RPTOR: variants seen among roughly 807,000 people sequenced by gnomAD.
RPTOR encodes the protein regulatory-associated protein of mTOR.
In RPTOR, 21 loss-of-function variants were observed where a neutral mutation model predicts 169.9. The ratio of observed to expected loss-of-function variants is 0.12; its 90% CI spans 0.09 to 0.18. RPTOR has a LOEUF of 0.18. RPTOR is among the 10% of genes least tolerant of loss of function. RPTOR has a pLI of 1.00. For synonymous variants in RPTOR, 732 were observed against 753.2 expected (o/e 0.97, Z 0.46); for missense variants, 1,133 against 1,855.9 (o/e 0.61, Z 7.16).
At chr17:80,814,009 C>T (rs2067299198) in intron 7 of RPTOR, among the ~76,000 whole-genome samples, 1 of 152,090 alleles carries the variant, frequency 6.6e-6, no homozygotes, top group South Asian at 2.1e-4. Context: ...GTGGCATGTG[C>T]CTGTGGTCCC....
intron 1 of RPTOR, among the ~76,000 whole-genome samples, chr17:80,594,614 G>A (rs546947587): frequency 6.6e-6 from 1 of 152,356 alleles, no homozygotes; most frequent in East Asian, 1.9e-4. Flanking sequence ...TGTGCTCTGT[G>A]TGTGAAGAAG....
chr17:80,809,948 A>C (rs551662555), intron 7 of RPTOR, among the ~76,000 whole-genome samples: 21 of 152,230 alleles, frequency 1.4e-4, no homozygotes, highest in Middle Eastern at 3.4e-3. Context: ...GAGGCAGGAG[A>C]ATCGCTTGAA....
At chr17:80,692,963 G>T in intron 3 of RPTOR, among the ~76,000 whole-genome samples, 1 of 152,190 alleles carries the variant, frequency 6.6e-6, no homozygotes, top group East Asian at 1.9e-4. Flanking sequence ...TGACACGTAT[G>T]CGTAACCTTG....
chr17:80,863,322 T>C (rs887309031), intron 13 of RPTOR, among the ~76,000 whole-genome samples: 1 of 152,110 alleles, frequency 6.6e-6, no homozygotes, highest in African/African-American at 2.4e-5. Context: ...CATGCCAGGT[T>C]ACACTCCACT....
intron 3 of RPTOR, among the ~76,000 whole-genome samples, chr17:80,696,765 C>A (rs1471790): frequency 0.18 from 26,753 of 152,088 alleles, 3,760 homozygotes; most frequent in African/African-American, 0.39. Flanking sequence ...TCCAGCCAGC[C>A]CCCCCAAGCA....
chr17:80,823,296 C>T lies in RPTOR; in HGVS notation c.1136+73C>T, dbSNP rs1039038320. 1.1e-5 allele frequency: 18 copies of T among 1,565,678 alleles called. No individual in the cohort carries two copies. The highest frequency in any genetic ancestry group is 2.3e-5 in the East Asian group (1 of 44,330). ...GGCACTGTGATGTCATGGAATTGCACGGAGCTGGGCAGGGAGGCCCCACAC... is the reference window on the plus strand; with the variant it reads ...GGCACTGTGATGTCATGGAATTGCATGGAGCTGGGCAGGGAGGCCCCACAC... On this transcript the variant is annotated intron_variant, in intron 9 of 33. Transcript: ENST00000306801. The surrounding 1 kb of genome is among the most constrained non-coding windows in gnomAD (Gnocchi z 4.5).
At chr17:80,756,691 G>GA (rs2066683892) in intron 6 of RPTOR, among the ~76,000 whole-genome samples, 1 of 152,080 alleles carries the variant, frequency 6.6e-6, no homozygotes, top group Non-Finnish European at 1.5e-5. Flanking sequence ...CTGAGAGGTA[G>GA]AAAAAACAGT....
intron 1 of RPTOR, among the ~76,000 whole-genome samples, chr17:80,584,119 G>A (rs1044181871): frequency 5.9e-5 from 9 of 152,188 alleles, no homozygotes; most frequent in Non-Finnish European, 8.8e-5. Flanking sequence ...GAGCCAGGCC[G>A]AGGAGACCCC....
intron 22 of RPTOR, among the ~76,000 whole-genome samples, 173 bp downstream of exon 22, chr17:80,923,000 C>T (rs565796583): frequency 1.3e-5 from 2 of 152,362 alleles, no homozygotes; most frequent in Admixed American, 1.3e-4. Context: ...CACCCCGGTA[C>T]CCGCCTGATC....
chr17:80,788,897 A>G (rs1359468681), intron 6 of RPTOR, among the ~76,000 whole-genome samples: 2 of 152,220 alleles, frequency 1.3e-5, no homozygotes, highest in Non-Finnish European at 2.9e-5. Context: ...ACTCTGATGT[A>G]GGTGAATGAA....
chr17:80,679,471 C>G lies in RPTOR; in HGVS notation c.349-28370C>G, dbSNP rs143609979. 2.6e-3 allele frequency among the ~76,000 whole-genome samples: 394 copies of G among 152,258 alleles called. 3 individuals carry two copies. The highest frequency in any genetic ancestry group is 9.2e-3 in the African/African-American group (384 of 41,554). On this transcript the variant is annotated intron_variant, in intron 3 of 33. Coordinates refer to ENST00000306801, the MANE Select transcript of RPTOR (RefSeq NM_020761.3). The stretch of plus-strand genomic sequence containing the variant: ...TCATGTTACTCTAAGTTTTCGTTTC[C>G]TTTTTACTCGGCTCAGGAATAGTAA...
chr17:80,632,279 G>A (rs150561289), intron 2 of RPTOR, among the ~76,000 whole-genome samples: 44 of 152,326 alleles, frequency 2.9e-4, no homozygotes, highest in Non-Finnish European at 5.1e-4. Context: ...CAATGCTTAT[G>A]TTAGGCTTTT....
chr17:80,835,922 G>A (rs1261722801), intron 9 of RPTOR, among the ~76,000 whole-genome samples: 1 of 152,200 alleles, frequency 6.6e-6, no homozygotes, highest in Non-Finnish European at 1.5e-5. Flanking sequence ...ACTTCCAGTT[G>A]AGAGTTCATG....
At chr17:80,841,793 C>T (rs1233160206) in intron 10 of RPTOR, among the ~76,000 whole-genome samples, 11 of 139,608 alleles carry the variant, frequency 7.9e-5, no homozygotes, top group Middle Eastern at 3.8e-3. Flanking sequence ...TCTCACCGCA[C>T]GGCAGCTCAC....
intron 6 of RPTOR, among the ~76,000 whole-genome samples, chr17:80,766,810 T>C (rs1163074678): frequency 6.7e-6 from 1 of 149,916 alleles, no homozygotes; most frequent in Non-Finnish European, 1.5e-5. Flanking sequence ...CTCAAATGTA[T>C]GGTCTAAGTT....
chr17:80,837,282 C>G (rs963444227), intron 9 of RPTOR, among the ~76,000 whole-genome samples: 51 of 152,148 alleles, frequency 3.4e-4, no homozygotes, highest in Admixed American at 3.3e-3. Flanking sequence ...TGCAGGGTGC[C>G]TGGTGAGACC....
intron 5 of RPTOR, among the ~76,000 whole-genome samples, chr17:80,753,154 TC>T (rs2066645564): frequency 6.6e-6 from 1 of 152,140 alleles, no homozygotes; most frequent in African/African-American, 2.4e-5. Context: ...ATCCCCCTAA[TC>T]CCCCACTCGG....
chr17:80,945,484 C>T (rs957154028), intron 25 of RPTOR, 183 bp from the exon 26 acceptor site: 9 of 440,884 alleles, frequency 2.0e-5, no homozygotes, highest in African/African-American at 1.0e-4. Flanking sequence ...CCCAGCTACT[C>T]AGGAGGCTGA....
intron 3 of RPTOR, among the ~76,000 whole-genome samples, chr17:80,682,437 G>T (rs1158563854): frequency 6.6e-6 from 1 of 152,154 alleles, no homozygotes; most frequent in Admixed American, 6.5e-5. Flanking sequence ...GCTTATCTTG[G>T]ATTATTTGAG....
Sources: allele counts gnomAD v4.1 joint callset (sites outside exome capture counted in the v4.1 genomes callset), GRCh38; gene constraint gnomAD v4.1.1; non-coding constraint Gnocchi (gnomAD v3.1); transcripts MANE v1.5; gene names NCBI Gene and HGNC (gene_info 2026-07-23, HGNC 2026-07-21).